PGAP6: variants seen among roughly 807,000 people sequenced by gnomAD.
PGAP6 encodes the protein post-GPI attachment to proteins 6.
A neutral mutation model predicts 68.4 loss-of-function variants in PGAP6; 62 were observed. That is an observed-to-expected ratio of 0.91 (90% CI 0.74 to 1.12). PGAP6 has a LOEUF of 1.12. PGAP6 is among the 50% of genes most tolerant of loss of function. PGAP6 has a pLI of 0.00. For synonymous variants in PGAP6, 575 were observed against 474.0 expected (o/e 1.21, Z -2.77); for missense variants, 1,188 against 1,068.5 (o/e 1.11, Z -1.56).
In PGAP6 at chr16:373,987, A is replaced by G; in HGVS notation, c.1902+18T>C. On this transcript the variant is annotated intron_variant, in intron 11 of 12. Coordinates refer to ENST00000431232, the MANE Select transcript of PGAP6 (RefSeq NM_021259.3). ...CCTGCTCCCCCGGAGCCCACACCCC[A>G]CGTCGAGGGCCACTCACGTATTTCA... 1 of 1,592,192 alleles carries G rather than the reference A, an allele frequency of 6.3e-7. No individual in the cohort carries two copies. The highest frequency in any genetic ancestry group is 8.5e-7 in the Non-Finnish European group (1 of 1,169,674).
rs778779775 is a variant in PGAP6 at position 374,279 on chromosome 16, A to G, written c.1697T>C (p.Val566Ala). 2 of 1,607,308 alleles carry G rather than the reference A, an allele frequency of 1.2e-6. No homozygotes were observed. Among genetic ancestry groups the G allele is most frequent in the East Asian group, 4.5e-5 (2 of 44,880 alleles). Residue 566 changes from valine (V) to alanine (A), a missense_variant, in exon 10 of 13, where the codon GTG (valine) becomes GCG (alanine). Physicochemically the swap from Val to Ala is moderately conservative, Grantham distance 64 (BLOSUM62 0). Coordinates refer to ENST00000431232, the MANE Select transcript of PGAP6 (RefSeq NM_021259.3). Reference protein sequence around the residue: ...LMFLAPIAVSVRRFFLVEASV... With the variant: ...LMFLAPIAVSARRFFLVEASV... ...GGCCTCCACCAGGAAGAATCGCCGC[A>G]CTGAGACGGCGATGGGGGCCAGGAA...
chr16:372,709 T>G lies in PGAP6; in HGVS notation c.1921A>C (p.Thr641Pro). The change falls in exon 12 of 13, where the codon ACA becomes CCA. Residue 641 changes from threonine to proline, a missense_variant. By Grantham distance (38) the Thr-to-Pro change is conservative. Coordinates refer to ENST00000431232, the MANE Select transcript of PGAP6 (RefSeq NM_021259.3). ...VLKYVLFLLG[T>P]LVIAMSLQLD... is the part of the protein sequence containing the mutation. The stretch of plus-strand genomic sequence containing the variant: ...TGCAAGGACATGGCGATGACCAGTG[T>G]ACCCAGAAGAAACAGCACCTGCGCA... 6.2e-7 allele frequency: 1 copy of G among 1,610,816 alleles called. No individual in the cohort carries two copies. The highest frequency in any genetic ancestry group is 8.5e-7 in the Non-Finnish European group (1 of 1,178,734).
Position 377,393 on chromosome 16 carries a change from C to T in PGAP6, c.492G>A (p.Gln164=), listed in dbSNP as rs371688676. The T allele has an allele frequency of 5.7e-4, 914 of 1,600,022 alleles. No homozygotes were observed. The highest frequency in any genetic ancestry group is 7.5e-4 in the Non-Finnish European group (879 of 1,172,864). Residue 164 remains glutamine, a synonymous_variant, in exon 3 of 13, where the codon CAG becomes CAA. Coordinates refer to ENST00000431232, the MANE Select transcript of PGAP6 (RefSeq NM_021259.3). ...FVAAHLPPSS[Q]KIELKGLAPT... ...CCCCCCTCACCTTCAACTCGATCTT[C>T]TGGGATGAGGGGGGCAGGTGGGCGG...
At position 376,331 on chromosome 16, in the gene PGAP6, C is replaced by T. The variant is rs148917138; in HGVS notation, c.1029G>A (p.Arg343=). 101 of 1,612,710 alleles carry T rather than the reference C, an allele frequency of 6.3e-5. 1 individual carries two copies. The South Asian group carries it at 8.1e-4, about 13-fold the overall frequency. ...PDHQDLGRSG[R]VDRSPFCLTN... ...TGAGGCAGAAGGGGCTGCGGTCCAC[C>T]CTGCCACTCCTGCCCAGGTCCTGGT... The change falls in exon 6 of 13, where the codon AGG becomes AGA. Residue 343 remains arginine, a synonymous_variant. Coordinates refer to ENST00000431232, the MANE Select transcript of PGAP6 (RefSeq NM_021259.3).
At chr16:379,195 G>A (rs1321371702) in intron 1 of PGAP6, among the ~76,000 whole-genome samples, 1 of 152,156 alleles carries the variant, frequency 6.6e-6, no homozygotes, top group Non-Finnish European at 1.5e-5. Flanking sequence ...ACACACTCAG[G>A]AGCGCTGCCT....
upstream of PGAP6, chr16:386,925 C>T (rs113147204): frequency 1.4e-4 from 83 of 592,646 alleles, no homozygotes; most frequent in South Asian, 1.2e-4. Context: ...ACTGCGACGC[C>T]GGAGGCGGCC....
chr16:381,706 T>G lies in PGAP6; in HGVS notation c.116A>C (p.Lys39Thr). The G allele has an allele frequency of 8.3e-6, 10 of 1,201,394 alleles. No homozygotes were observed. Among genetic ancestry groups the G allele is most frequent in the Non-Finnish European group, 1.0e-5 (10 of 968,066 alleles). The allele number at this position is 1,201,394 out of a possible 1,614,324, so 74.4% of individuals were successfully genotyped here. ...CGCCCGCGCCTCCCGCTCACCGCTC[T>G]TCCCGCTGTAGCCGGCGGAGGCAGG... ...PPPASAGYSGKSEVGLVSEHF... is the reference protein window; with the variant it reads ...PPPASAGYSGTSEVGLVSEHF... Residue 39 changes from lysine to threonine, a missense_variant, in exon 1 of 13, where the codon AAG becomes ACG. Transcript: ENST00000431232.
chr16:374,057 G>A lies in PGAP6; in HGVS notation c.1850C>T (p.Ala617Val). The change falls in exon 11 of 13, where the codon GCC becomes GTC. Residue 617 changes from alanine (A) to valine (V), a missense_variant. By Grantham distance (64) the Ala-to-Val change is moderately conservative. Coordinates refer to ENST00000431232, the MANE Select transcript of PGAP6 (RefSeq NM_021259.3). Reference protein sequence around the residue: ...QYCDFLGSGAAIWVTILCMAR... With the variant: ...QYCDFLGSGAVIWVTILCMAR... ...CATGCACAGGATGGTGACCCAGATG[G>A]CCGCCCCGGAGCCCAAGAAGTCGCA... 6.2e-7 allele frequency: 1 copy of A among 1,611,920 alleles called. No individual in the cohort carries two copies. The highest frequency in any genetic ancestry group is 8.5e-7 in the Non-Finnish European group (1 of 1,179,950).
At position 375,368 on chromosome 16, in the gene PGAP6, T is replaced by C. The variant is rs142065255; in HGVS notation, c.1292A>G (p.Asn431Ser). The change falls in exon 7 of 13, where the codon AAT becomes AGT. Residue 431 changes from asparagine (N) to serine (S), a missense_variant. Transcript: ENST00000431232. The part of the protein sequence containing the change: ...VNAASPFLGF[N>S]TSLNCTTAFF... ...ACCTGTGGTGCAGTTGAGCGAAGTA[T>C]TGAAGCCAAGGAAGGGCGAGGCAGC... The C allele has an allele frequency of 4.0e-4, 640 of 1,612,936 alleles. 4 individuals carry two copies. The highest frequency in any genetic ancestry group is 2.4e-3 in the South Asian group (218 of 91,076).
rs753832478 is a variant in PGAP6 at position 372,112 on chromosome 16, C to T, written c.2191G>A (p.Gly731Arg). 12 of 1,612,718 alleles carry T rather than the reference C, an allele frequency of 7.4e-6. No individual in the cohort carries two copies. The highest frequency in any genetic ancestry group is 5.3e-5 in the African/African-American group (4 of 74,926). The change falls in exon 13 of 13, where the codon GGG becomes AGG. Residue 731 changes from glycine to arginine, a missense_variant. Physicochemically the swap from Gly to Arg is moderately radical, Grantham distance 125. Transcript: ENST00000431232. The part of the protein sequence containing the change: ...THSIWHILLA[G>R]SAALLLPPPD... ...GGCGGCAGCAGCAAGGCTGCGCTCC[C>T]GGCCAGCAGGATGTGCCAGATGCTG...
At position 377,527 on chromosome 16, in the gene PGAP6, C is replaced by A. The variant is rs1260761829; in HGVS notation, c.358G>T (p.Asp120Tyr). Residue 120 changes from aspartate to tyrosine, a missense_variant, in exon 3 of 13, where the codon GAC becomes TAC. Physicochemically the swap from Asp to Tyr is radical, Grantham distance 160. Transcript: ENST00000431232. ...TGGAAGGAGGGCTGTACCGCGGTGT[C>A]GTCCGGGAAGCTGGTGCCCAGCGGG... ...INPLGTSFPD[D>Y]TAVQPSFQVG... is the part of the protein sequence containing the mutation. 3.8e-6 allele frequency: 6 copies of A among 1,594,124 alleles called. No individual in the cohort carries two copies. In the South Asian group the frequency reaches 5.7e-5, roughly 15 times the overall value.
chr16:372,316 G>A (rs1414705589), intron 12 of PGAP6, 33 bp from the exon 13 acceptor site: 1 of 1,584,414 alleles, frequency 6.3e-7, no homozygotes, highest in Admixed American at 1.7e-5. Context: ...TATCAGTGCA[G>A]GTGGGGCCGC....
intron 9 of PGAP6, 62 bp downstream of exon 9, chr16:374,694 C>G: frequency 6.3e-7 from 1 of 1,596,488 alleles, no homozygotes; most frequent in Non-Finnish European, 8.5e-7. Flanking sequence ...GGGAAAGGCA[C>G]AGCACAGCAC....
At chr16:373,904 C>T in intron 11 of PGAP6, 101 bp downstream of exon 11, 1 of 1,402,634 alleles carries the variant, frequency 7.1e-7, no homozygotes, top group Non-Finnish European at 9.4e-7. Flanking sequence ...GGGGCCGTGC[C>T]CAACGCCAGG....
upstream of PGAP6, among the ~76,000 whole-genome samples, chr16:385,889 G>C (rs1023997309): frequency 6.6e-6 from 1 of 152,046 alleles, no homozygotes; most frequent in Non-Finnish European, 1.5e-5. Flanking sequence ...CTCTCAAAGT[G>C]CTGGGATTAC....
chr16:377,258 G>A, intron 3 of PGAP6, 94 bp from the exon 4 acceptor site: 1 of 1,595,280 alleles, frequency 6.3e-7, no homozygotes, highest in Middle Eastern at 1.7e-4. Flanking sequence ...CAGGGAGCAG[G>A]GCTGGCCCCA....
chr16:381,946 C>G lies in PGAP6; in HGVS notation c.-125G>C. The G allele has an allele frequency of 9.2e-6, 9 of 973,780 alleles. No individual in the cohort carries two copies. Among genetic ancestry groups the G allele is most frequent in the Non-Finnish European group, 1.1e-5 (9 of 821,092 alleles). 60.3% of individuals were successfully genotyped at this position (973,780 alleles called of 1,614,324 possible). ...GCCTCTGCCCCCGGCGCCCATGGCC[C>G]GGCCGGTCCCCGCCGCCGTCGCCCC... On this transcript the variant is annotated 5_prime_UTR_variant, in exon 1 of 13. Coordinates refer to ENST00000431232, the MANE Select transcript of PGAP6 (RefSeq NM_021259.3).
upstream of PGAP6, chr16:383,370 T>C (rs1213817564): frequency 6.6e-6 from 1 of 152,262 alleles, no homozygotes; most frequent in African/African-American, 2.4e-5. Context: ...ACTTGTCCAC[T>C]GAAGTAACAG....
At position 375,171 on chromosome 16, in the gene PGAP6, C is replaced by G; in HGVS notation, c.1401G>C (p.Trp467Cys). Residue 467 changes from tryptophan to cysteine, a missense_variant, in exon 8 of 13, where the codon TGG becomes TGC. Coordinates refer to ENST00000431232, the MANE Select transcript of PGAP6 (RefSeq NM_021259.3). ...LIIPYPETDN[W>C]YLSLQLMCPE... ...GGCACATGAGCTGCAGGGAGAGGTA[C>G]CAGTTGTCTGTCTCTGGGTAGGGGA... 6.2e-7 allele frequency: 1 copy of G among 1,613,462 alleles called. No homozygotes were observed. Among genetic ancestry groups the G allele is most frequent in the Non-Finnish European group, 8.5e-7 (1 of 1,179,996 alleles).
Sources: gnomAD v4.1 joint callset for allele counts (sites outside exome capture counted in the v4.1 genomes callset) on GRCh38, gnomAD v4.1.1 for gene constraint, MANE v1.5 for transcripts, NCBI Gene and HGNC (gene_info 2026-07-23, HGNC 2026-07-21) for gene names.